Variants in RAP1GAP observed in about 807,000 individuals in gnomAD.
The protein encoded by RAP1GAP is RAP1 GTPase activating protein.
In RAP1GAP, 35 loss-of-function variants were observed where a neutral mutation model predicts 87.2. The observed-to-expected ratio is 0.40, with a 90% confidence interval of 0.31 to 0.53. The LOEUF (loss-of-function observed/expected upper bound fraction) is 0.53, where lower values mean the gene tolerates loss of function less well. Among genes scored for constraint, RAP1GAP ranks in the 20% least tolerant of loss-of-function variants. RAP1GAP has a pLI of 0.48. For synonymous variants in RAP1GAP, 375 were observed against 363.9 expected (o/e 1.03, Z -0.35); for missense variants, 734 against 898.9 (o/e 0.82, Z 2.35).
Position 21,634,435 on chromosome 1 carries a change from C to T in RAP1GAP, c.-112-8038G>A, listed in dbSNP as rs991136767. 6.6e-6 allele frequency among the ~76,000 whole-genome samples: 1 copy of T among 152,224 alleles called. No homozygotes were observed. Among genetic ancestry groups the T allele is most frequent in the Non-Finnish European group, 1.5e-5 (1 of 68,036 alleles). The stretch of plus-strand genomic sequence containing the variant: ...CTGACCTCAGGATGCTATCTTCACC[C>T]ATTTCAGAGATAAGGAGGCAGAGGC... On this transcript the variant is annotated intron_variant, in intron 2 of 24. Coordinates refer to ENST00000374765, the MANE Select transcript of RAP1GAP (RefSeq NM_002885.4). The surrounding 1 kb of genome is among the most constrained non-coding windows in gnomAD (Gnocchi z 4.1).
chr1:21,608,469 G>A, intron 16 of RAP1GAP, 119 bp from the exon 17 acceptor site: 1 of 1,323,700 alleles, frequency 7.6e-7, no homozygotes. Flanking sequence ...TGGGGAGTGG[G>A]GAGGGCGGAG....
chr1:21,653,916 G>A (rs112604401), intron 1 of RAP1GAP, among the ~76,000 whole-genome samples: 23 of 152,268 alleles, frequency 1.5e-4, no homozygotes, highest in African/African-American at 4.8e-4. Flanking sequence ...GGCCGCCAAC[G>A]TGGCAAGTTT....
intron 1 of RAP1GAP, among the ~76,000 whole-genome samples, chr1:21,666,739 G>A (rs2097364102): frequency 6.6e-6 from 1 of 152,220 alleles, no homozygotes; most frequent in African/African-American, 2.4e-5. Flanking sequence ...TGGCCTGGGT[G>A]TGGGTGGGTG....
chr1:21,612,250 G>T, intron 10 of RAP1GAP, 141 bp from the exon 11 acceptor site: 1 of 693,138 alleles, frequency 1.4e-6, no homozygotes, highest in Non-Finnish European at 2.6e-6. Flanking sequence ...GAGGGAGACA[G>T]TCCAGCTGTC....
intron 4 of RAP1GAP, 80 bp from the exon 5 acceptor site, chr1:21,619,152 G>T (rs1415158412): frequency 1.4e-6 from 2 of 1,465,696 alleles, no homozygotes; most frequent in Non-Finnish European, 1.9e-6. Flanking sequence ...CGTGCAAGGG[G>T]AAAGCCCTAG....
chr1:21,598,562 C>A, intron 21 of RAP1GAP, 60 bp from the exon 22 acceptor site: 2 of 1,366,246 alleles, frequency 1.5e-6, no homozygotes, highest in African/African-American at 1.4e-5. Context: ...CTGGCTAGGG[C>A]TCCCTCCCAG....
In RAP1GAP at chr1:21,603,470, G is replaced by C. The variant is rs752151396; in HGVS notation, c.1429-557C>G. On this transcript the variant is annotated intron_variant, in intron 18 of 24. Coordinates refer to ENST00000374765, the MANE Select transcript of RAP1GAP (RefSeq NM_002885.4). This position sits in a 1 kb window ranked among gnomAD's most constrained non-coding sequence, Gnocchi z 6.0. Reference sequence around the variant, plus strand: ...AAGGGGTAGGACCCCAGGTCACTTCGTGGCGGGGAGGAGGAGTCAGGGCAG... The same window carrying C: ...AAGGGGTAGGACCCCAGGTCACTTCCTGGCGGGGAGGAGGAGTCAGGGCAG... 4.2e-5 allele frequency: 25 copies of C among 588,254 alleles called. No homozygotes were observed. Among genetic ancestry groups the C allele is most frequent in the Non-Finnish European group, 6.7e-5 (22 of 328,748 alleles). The allele number at this position is 588,254 out of a possible 1,614,324, so 36.4% of individuals were successfully genotyped here.
intron 2 of RAP1GAP, among the ~76,000 whole-genome samples, chr1:21,639,257 G>T (rs1010289255): frequency 1.3e-5 from 2 of 152,242 alleles, no homozygotes; most frequent in African/African-American, 2.4e-5. Context: ...CACCAGGCAG[G>T]TGGGCACGTC....
chr1:21,638,109 C>T (rs931802545), intron 2 of RAP1GAP, among the ~76,000 whole-genome samples: 2 of 148,824 alleles, frequency 1.3e-5, no homozygotes, highest in Admixed American at 6.8e-5. Context: ...CAACATTGCA[C>T]CACTGTACTT....
chr1:21,655,947 T>C (rs2096842324), intron 1 of RAP1GAP, among the ~76,000 whole-genome samples: 1 of 152,152 alleles, frequency 6.6e-6, no homozygotes, highest in Non-Finnish European at 1.5e-5. Context: ...GGGCCTCCAA[T>C]AGCCTCCTCC....
chr1:21,651,798 T>A, intron 1 of RAP1GAP: 1 of 1,358,896 alleles, frequency 7.4e-7, no homozygotes, highest in Non-Finnish European at 9.5e-7. Flanking sequence ...GCCCCGAAGG[T>A]GAAGCTGCGC....
In RAP1GAP at chr1:21,622,367, C is replaced by T; in HGVS notation, c.-18-2317G>A. ...CCAGCTGGCCCCCGCGGGCAGCGAG[C>T]CCCTCCGCGGACGGCCGGGTGGCAC... On this transcript the variant is annotated intron_variant, in intron 3 of 24. Transcript: ENST00000374765. The surrounding 1 kb of genome is among the most constrained non-coding windows in gnomAD (Gnocchi z 5.7). 4.4e-6 allele frequency: 2 copies of T among 455,384 alleles called. No homozygotes were observed. Among genetic ancestry groups the T allele is most frequent in the Non-Finnish European group, 7.7e-6 (2 of 258,720 alleles). The allele number at this position is 455,384 out of a possible 1,614,324, so 28.2% of individuals were successfully genotyped here.
At chr1:21,663,303 G>C (rs568342036) in intron 1 of RAP1GAP, among the ~76,000 whole-genome samples, 1 of 152,208 alleles carries the variant, frequency 6.6e-6, no homozygotes, top group South Asian at 2.1e-4. Flanking sequence ...CAAGGCTAGA[G>C]TCTTCAGTCC....
Position 21,648,125 on chromosome 1 carries a change from G to A in RAP1GAP, c.-113+1636C>T, listed in dbSNP as rs189749589. Reference sequence around the variant, plus strand: ...ACAGCGGCTCCAGCTAGGCGAGCACGGGCAAGGCATTTTGGGTAATGGGGC... The same window carrying A: ...ACAGCGGCTCCAGCTAGGCGAGCACAGGCAAGGCATTTTGGGTAATGGGGC... On this transcript the variant is annotated intron_variant, in intron 2 of 24. Coordinates refer to ENST00000374765, the MANE Select transcript of RAP1GAP (RefSeq NM_002885.4). 5.3e-5 allele frequency among the ~76,000 whole-genome samples: 8 copies of A among 152,308 alleles called. No homozygotes were observed. In the South Asian group the frequency reaches 6.2e-4, roughly 12 times the overall value.
chr1:21,612,176 G>T (rs1036452117), intron 10 of RAP1GAP, 67 bp from the exon 11 acceptor site: 47 of 1,307,660 alleles, frequency 3.6e-5, no homozygotes, highest in Non-Finnish European at 4.9e-5. Flanking sequence ...CTCTTCCCCC[G>T]TGCCAAGCAC....
At chr1:21,664,203 T>A (rs2097260684) in intron 1 of RAP1GAP, among the ~76,000 whole-genome samples, 1 of 152,176 alleles carries the variant, frequency 6.6e-6, no homozygotes, top group Non-Finnish European at 1.5e-5. Context: ...CTTGATCCTC[T>A]TGCCTGCCCC....
chr1:21,626,474 A>C, intron 2 of RAP1GAP, 77 bp from the exon 3 acceptor site: 1 of 1,206,928 alleles, frequency 8.3e-7, no homozygotes, highest in African/African-American at 1.5e-5. Context: ...TCACTCTCAG[A>C]GCTGGGGGAT....
rs888254575 is a variant in RAP1GAP at position 21,669,112 on chromosome 1, G to C, written c.-149+142C>G. 2 of 937,978 alleles carry C rather than the reference G, an allele frequency of 2.1e-6. No homozygotes were observed. Among genetic ancestry groups the C allele is most frequent in the South Asian group, 1.8e-5 (1 of 55,834 alleles). 58.1% of individuals were successfully genotyped at this position (937,978 alleles called of 1,614,324 possible). On this transcript the variant is annotated intron_variant, in intron 1 of 24. Coordinates refer to ENST00000374765, the MANE Select transcript of RAP1GAP (RefSeq NM_002885.4). The surrounding 1 kb of genome is among the most constrained non-coding windows in gnomAD (Gnocchi z 5.6). The stretch of plus-strand genomic sequence containing the variant: ...CAGCTGCGCCCACCCCTCGCCCCTG[G>C]AGACCCGGGTCCCCCACGCGTTCGC...
At chr1:21,628,609 A>G (rs780768561) in intron 2 of RAP1GAP, among the ~76,000 whole-genome samples, 1 of 152,106 alleles carries the variant, frequency 6.6e-6, no homozygotes, top group Non-Finnish European at 1.5e-5. Context: ...AGTCCCAGCT[A>G]CTTGGGAGGC....
Sources: allele counts gnomAD v4.1 joint callset (sites outside exome capture counted in the v4.1 genomes callset), GRCh38; gene constraint gnomAD v4.1.1; non-coding constraint Gnocchi (gnomAD v3.1); transcripts MANE v1.5; gene names NCBI Gene and HGNC (gene_info 2026-07-23, HGNC 2026-07-21).